FITM1: variants seen among roughly 807,000 people sequenced by gnomAD.
The protein encoded by FITM1 is fat storage-inducing transmembrane protein 1.
In FITM1, 11 loss-of-function variants were observed where a neutral mutation model predicts 22.2. That is an observed-to-expected ratio of 0.50 (90% CI 0.31 to 0.82). The LOEUF is 0.82. Among genes scored for constraint, FITM1 ranks in the 40% least tolerant of loss-of-function variants. FITM1 has a pLI of 0.04. For synonymous variants in FITM1, 164 were observed against 174.0 expected, an observed-to-expected ratio of 0.94 and a Z score of 0.45; for missense variants, 394 against 386.4, an observed-to-expected ratio of 1.02 and a Z score of -0.17.
chr14:24,132,510 T>A lies in FITM1; in HGVS notation c.566T>A (p.Leu189Gln). 1 of 1,603,922 alleles carries A rather than the reference T, an allele frequency of 6.2e-7. No individual in the cohort carries two copies. Among genetic ancestry groups the A allele is most frequent in the Non-Finnish European group, 8.5e-7 (1 of 1,179,978 alleles). The change falls in exon 2 of 2, where the codon CTG becomes CAG. Residue 189 changes from leucine (L) to glutamine (Q), a missense_variant. Leu to Gln is a moderately radical substitution (Grantham distance 113, BLOSUM62 -2). Transcript: ENST00000267426. Reference sequence around the variant, plus strand: ...TACACCGTCTCCTCCCACACCTTCCTGCTCACCTTTTGCTGCCTGCTCATG... The same window carrying A: ...TACACCGTCTCCTCCCACACCTTCCAGCTCACCTTTTGCTGCCTGCTCATG... ...RGYTVSSHTF[L>Q]LTFCCLLMAE... is the part of the protein sequence containing the mutation.
rs2037814468 is a variant in FITM1 at position 24,130,688 on chromosome 14, A to G, written c.-876A>G. 6.6e-6 allele frequency among the ~76,000 whole-genome samples: 1 copy of G among 152,252 alleles called. No homozygotes were observed. Among genetic ancestry groups the G allele is most frequent in the Admixed American group, 6.5e-5 (1 of 15,284 alleles). On this transcript the variant is annotated 5_prime_UTR_variant, in exon 1 of 2. Transcript: ENST00000267426. The stretch of plus-strand genomic sequence containing the variant: ...ACTGCCCTGCTGTCGCCGCCTCAGC[A>G]GTCAGACTGGGAGGGCAGGCTTATA...
chr14:24,131,138 C>T lies in FITM1; in HGVS notation c.-426C>T, dbSNP rs1011874602. ...AAGACTGGCAGCTTTTTTTAAAAAACGACTTTCAAGGTTTGGTTATTTTTA... is the reference window on the plus strand; with the variant it reads ...AAGACTGGCAGCTTTTTTTAAAAAATGACTTTCAAGGTTTGGTTATTTTTA... On this transcript the variant is annotated 5_prime_UTR_variant, in exon 1 of 2. It adds an upstream start codon to the 5' untranslated region. Transcript: ENST00000267426. The T allele has an allele frequency of 1.9e-5, 10 of 526,066 alleles. No individual in the cohort carries two copies. Among genetic ancestry groups the T allele is most frequent in the African/African-American group, 9.6e-5 (5 of 52,054 alleles). 32.6% of individuals were successfully genotyped at this position (526,066 alleles called of 1,614,324 possible).
chr14:24,131,414 C>G lies in FITM1; in HGVS notation c.-150C>G, dbSNP rs2037820080. The G allele has an allele frequency of 1.2e-6, 1 of 805,296 alleles. No homozygotes were observed. The highest frequency in any genetic ancestry group is 1.7e-5 in the African/African-American group (1 of 59,278). The allele number at this position is 805,296 out of a possible 1,614,324, so 49.9% of individuals were successfully genotyped here. On this transcript the variant is annotated 5_prime_UTR_variant, in exon 1 of 2. Transcript: ENST00000267426. The stretch of plus-strand genomic sequence containing the variant: ...CCTCCACCCTGGCCCCTTACTGCCC[C>G]CCGCCCCTCTCCCCCACCTGCCAGC...
In FITM1 at chr14:24,132,500, C is replaced by A; in HGVS notation, c.556C>A (p.His186Asn). ...GTGGCGAGGCTACACCGTCTCCTCCCACACCTTCCTGCTCACCTTTTGCTG... is the reference window on the plus strand; with the variant it reads ...GTGGCGAGGCTACACCGTCTCCTCCAACACCTTCCTGCTCACCTTTTGCTG... ...HQWRGYTVSS[H>N]TFLLTFCCLL... is the part of the protein sequence containing the mutation. The change falls in exon 2 of 2, where the codon CAC becomes AAC. Residue 186 changes from histidine to asparagine, a missense_variant. Physicochemically the swap from His to Asn is moderately conservative, Grantham distance 68. Coordinates refer to ENST00000267426, the MANE Select transcript of FITM1 (RefSeq NM_203402.3). The A allele has an allele frequency of 6.2e-7, 1 of 1,603,924 alleles. No homozygotes were observed. Among genetic ancestry groups the A allele is most frequent in the Non-Finnish European group, 8.5e-7 (1 of 1,179,978 alleles).
Position 24,132,730 on chromosome 14 carries a change from C to A in FITM1, c.786C>A (p.Leu262=). 1 of 1,613,922 alleles carries A rather than the reference C, an allele frequency of 6.2e-7. No homozygotes were observed. The highest frequency in any genetic ancestry group is 8.5e-7 in the Non-Finnish European group (1 of 1,179,982). Residue 262 remains leucine (L), a synonymous_variant, in exon 2 of 2, where the codon CTC becomes CTA. Transcript: ENST00000267426. ...GAAVGTFAWY[L]TYGSWYHQPW... ...CAGTGGGCACCTTTGCCTGGTACCTCACCTATGGCAGCTGGTATCATCAGC... is the reference window on the plus strand; with the variant it reads ...CAGTGGGCACCTTTGCCTGGTACCTAACCTATGGCAGCTGGTATCATCAGC...
rs1208858633 is a variant in FITM1 at position 24,131,708 on chromosome 14, A to G, written c.145A>G (p.Ser49Gly). 6.2e-7 allele frequency: 1 copy of G among 1,614,200 alleles called. No homozygotes were observed. The highest frequency in any genetic ancestry group is 1.1e-5 in the South Asian group (1 of 91,080). ...GSEQAARLLG[S>G]PCLRRLYHAW... ...CGAACAGGCCGCCCGCCTTCTGGGC[A>G]GCCCCTGCTTACGGCGCCTCTACCA... is the stretch of plus-strand genomic sequence containing the variant. Residue 49 changes from serine (S) to glycine (G), a missense_variant, in exon 1 of 2, where the codon AGC becomes GGC. Ser to Gly is a moderately conservative substitution (Grantham distance 56). Transcript: ENST00000267426.
In FITM1 at chr14:24,132,519, T is replaced by C; in HGVS notation, c.575T>C (p.Phe192Ser). 1 of 1,604,050 alleles carries C rather than the reference T, an allele frequency of 6.2e-7. No homozygotes were observed. The highest frequency in any genetic ancestry group is 8.5e-7 in the Non-Finnish European group (1 of 1,179,972). The stretch of plus-strand genomic sequence containing the variant: ...TCCTCCCACACCTTCCTGCTCACCT[T>C]TTGCTGCCTGCTCATGGCAGAGGAA... The part of the protein sequence containing the change: ...TVSSHTFLLT[F>S]CCLLMAEEAA... The change falls in exon 2 of 2, where the codon TTT (phenylalanine) becomes TCT (serine). Residue 192 changes from phenylalanine (F) to serine (S), a missense_variant. Coordinates refer to ENST00000267426, the MANE Select transcript of FITM1 (RefSeq NM_203402.3).
Position 24,132,464 on chromosome 14 carries a change from G to C in FITM1, c.520G>C (p.Ala174Pro). ...ELPDRRSCLA[A>P]GHQWRGYTVS... ...GCCTGACCGCCGCAGCTGCCTGGCA[G>C]CCGGCCACCAGTGGCGAGGCTACAC... The change falls in exon 2 of 2, where the codon GCC (alanine) becomes CCC (proline). Residue 174 changes from alanine (A) to proline (P), a missense_variant. Physicochemically the swap from Ala to Pro is conservative, Grantham distance 27. Transcript: ENST00000267426. The C allele has an allele frequency of 1.2e-6, 2 of 1,605,472 alleles. No individual in the cohort carries two copies. Among genetic ancestry groups the C allele is most frequent in the Non-Finnish European group, 1.7e-6 (2 of 1,179,970 alleles).
Position 24,132,344 on chromosome 14 carries a change from G to C in FITM1, c.400G>C (p.Val134Leu). The change falls in exon 2 of 2, where the codon GTG becomes CTG. Residue 134 changes from valine to leucine, a missense_variant. By Grantham distance (32) the Val-to-Leu change is conservative. Transcript: ENST00000267426. ...HLSRLVVGAAVWRGAGRAFLL... is the reference protein window; with the variant it reads ...HLSRLVVGAALWRGAGRAFLL... ...GAGCCGACTGGTAGTAGGGGCAGCC[G>C]TGTGGCGGGGAGCCGGCCGGGCCTT... is the stretch of plus-strand genomic sequence containing the variant. The C allele has an allele frequency of 1.2e-6, 2 of 1,614,048 alleles. No homozygotes were observed. The highest frequency in any genetic ancestry group is 1.7e-6 in the Non-Finnish European group (2 of 1,180,008).
chr14:24,132,136 G>A (rs1022142530), intron 1 of FITM1, 75 bp from the exon 2 acceptor site: 23 of 1,568,180 alleles, frequency 1.5e-5, no homozygotes, highest in Admixed American at 2.0e-5. Flanking sequence ...GTTGGGGAGA[G>A]TGCAGTGATG....
Position 24,132,272 on chromosome 14 carries a change from G to A in FITM1, c.328G>A (p.Val110Met), listed in dbSNP as rs1239250727. Residue 110 changes from valine to methionine, a missense_variant, in exon 2 of 2, where the codon GTG becomes ATG. By Grantham distance (21) the Val-to-Met change is conservative. Transcript: ENST00000267426. ...CTFLGGFVLL[V>M]VFLATRRVAV... ...TTTCTTAGGGGGCTTTGTGTTGCTG[G>A]TGGTGTTCCTGGCTACACGGCGCGT... 3 of 1,613,654 alleles carry A rather than the reference G, an allele frequency of 1.9e-6. No homozygotes were observed. Among genetic ancestry groups the A allele is most frequent in the African/African-American group, 2.7e-5 (2 of 75,016 alleles).
chr14:24,132,778 C>A lies in FITM1; in HGVS notation c.834C>A (p.Gly278=). 6.2e-7 allele frequency: 1 copy of A among 1,612,908 alleles called. No homozygotes were observed. Among genetic ancestry groups the A allele is most frequent in the Admixed American group, 1.7e-5 (1 of 59,710 alleles). Residue 278 remains glycine (G), a synonymous_variant, in exon 2 of 2, where the codon GGC becomes GGA. Transcript: ENST00000267426. ...AGCCCTGGTCTCCAGGGAGCCCAGG[C>A]CATGGGCTCTTCCCCCGTCCCCACT... ...YHQPWSPGSP[G]HGLFPRPHSS...
At chr14:24,131,866 C>T (rs771225630) in intron 1 of FITM1, 37 bp downstream of exon 1, 2 of 1,538,416 alleles carry the variant, frequency 1.3e-6, no homozygotes, top group Admixed American at 3.9e-5. Flanking sequence ...CGGGTCCCTG[C>T]ACTCTGGGAT....
chr14:24,132,412 G>A lies in FITM1; in HGVS notation c.468G>A (p.Leu156=). Residue 156 remains leucine (L), a synonymous_variant, in exon 2 of 2, where the codon CTG becomes CTA. Transcript: ENST00000267426. The part of the protein sequence containing the change: ...EDLTGSCFEP[L]PQGLLLHELP... ...TGACTGGCTCCTGCTTCGAGCCACT[G>A]CCCCAGGGTCTGCTGCTCCACGAGC... The A allele has an allele frequency of 4.3e-6, 7 of 1,610,550 alleles. No individual in the cohort carries two copies. The highest frequency in any genetic ancestry group is 5.9e-6 in the Non-Finnish European group (7 of 1,179,962).
chr14:24,132,488 A>G lies in FITM1; in HGVS notation c.544A>G (p.Thr182Ala), dbSNP rs1566598785. The change falls in exon 2 of 2, where the codon ACC (threonine) becomes GCC (alanine). Residue 182 changes from threonine to alanine, a missense_variant. Coordinates refer to ENST00000267426, the MANE Select transcript of FITM1 (RefSeq NM_203402.3). ...LAAGHQWRGYTVSSHTFLLTF... is the reference protein window; with the variant it reads ...LAAGHQWRGYAVSSHTFLLTF... ...AGCCGGCCACCAGTGGCGAGGCTACACCGTCTCCTCCCACACCTTCCTGCT... is the reference window on the plus strand; with the variant it reads ...AGCCGGCCACCAGTGGCGAGGCTACGCCGTCTCCTCCCACACCTTCCTGCT... The G allele has an allele frequency of 1.2e-6, 2 of 1,604,020 alleles. No individual in the cohort carries two copies. The highest frequency in any genetic ancestry group is 2.2e-5 in the South Asian group (2 of 91,074).
chr14:24,132,629 C>T lies in FITM1; in HGVS notation c.685C>T (p.Leu229=), dbSNP rs758226855. 1.2e-6 allele frequency: 2 copies of T among 1,613,204 alleles called. No homozygotes were observed. Among genetic ancestry groups the T allele is most frequent in the South Asian group, 1.1e-5 (1 of 91,090 alleles). ...TGTCTTCCTGCTGAACGTGCTGCTG[C>T]TGGGCCTCTGGAACTTCTTGCTGCT... is the stretch of plus-strand genomic sequence containing the variant. ...RLVFLLNVLL[L]GLWNFLLLCT... is the part of the protein sequence containing the mutation. Residue 229 remains leucine, a synonymous_variant, in exon 2 of 2, where the codon CTG becomes TTG. Coordinates refer to ENST00000267426, the MANE Select transcript of FITM1 (RefSeq NM_203402.3).
chr14:24,131,965 G>T (rs2037825727), intron 1 of FITM1, 136 bp downstream of exon 1: 2 of 1,341,492 alleles, frequency 1.5e-6, no homozygotes, highest in East Asian at 4.9e-5. Context: ...GGGGGAGGGG[G>T]AAGGGAACAG....
chr14:24,132,037 C>A, intron 1 of FITM1, 174 bp from the exon 2 acceptor site: 1 of 1,198,182 alleles, frequency 8.3e-7, no homozygotes. Flanking sequence ...CCCTGGAATG[C>A]TGAATTGTCT....
intron 1 of FITM1, 87 bp downstream of exon 1, chr14:24,131,916 T>A (rs2037825370): frequency 6.2e-5 from 93 of 1,492,588 alleles, no homozygotes; most frequent in Non-Finnish European, 8.2e-5. Context: ...CCTGCCAGTC[T>A]GAACACTAAA....
Sources: gnomAD v4.1 joint callset for allele counts (sites outside exome capture counted in the v4.1 genomes callset) on GRCh38, gnomAD v4.1.1 for gene constraint, MANE v1.5 for transcripts, NCBI Gene and HGNC (gene_info 2026-07-23, HGNC 2026-07-21) for gene names.